OXNAD1: variants seen among roughly 807,000 people sequenced by gnomAD.
OXNAD1 encodes oxidoreductase NAD binding domain containing 1.
A neutral mutation model predicts 32.9 loss-of-function variants in OXNAD1; 34 were observed. The ratio of observed to expected loss-of-function variants is 1.03; its 90% CI spans 0.79 to 1.38. The LOEUF (loss-of-function observed/expected upper bound fraction) is 1.38. Ranked by LOEUF, OXNAD1 falls within the 40% of genes most tolerant of loss-of-function variation. The pLI, the probability that OXNAD1 is intolerant of heterozygous loss-of-function variation, is 0.00. For missense variants in OXNAD1, 407 were observed against 379.4 expected, an observed-to-expected ratio of 1.07 and a Z score of -0.60; for synonymous variants, 134 against 135.2, an observed-to-expected ratio of 0.99 and a Z score of 0.06.
intron 9 of OXNAD1, among the ~76,000 whole-genome samples, chr3:16,311,440 TAAGA>T (rs2067979296): frequency 6.6e-6 from 1 of 152,190 alleles, no homozygotes; most frequent in South Asian, 2.1e-4. Flanking sequence ...CTTTGGGTGT[TAAGA>T]AAGGTATAAA....
chr3:16,331,757 T>G (rs560137465), intron 9 of OXNAD1, among the ~76,000 whole-genome samples: 3 of 152,320 alleles, frequency 2.0e-5, no homozygotes, highest in South Asian at 4.1e-4. Context: ...GGCTGGTATG[T>G]TCTCTTTTTT....
At chr3:16,331,449 T>C (rs2070301330) in intron 9 of OXNAD1, among the ~76,000 whole-genome samples, 1 of 152,230 alleles carries the variant, frequency 6.6e-6, no homozygotes, top group African/African-American at 2.4e-5. Context: ...TTTGCAAATA[T>C]TGCTCAATGC....
rs777329466 is a variant in OXNAD1 at position 16,271,673 on chromosome 3, A to G, written c.134A>G (p.Lys45Arg). The change falls in exon 4 of 9, where the codon AAA becomes AGA. Residue 45 changes from lysine to arginine, a missense_variant. Lys to Arg is a conservative substitution (Grantham distance 26). Coordinates refer to ENST00000285083, the MANE Select transcript of OXNAD1 (RefSeq NM_138381.5). The surrounding 1 kb of genome is among the most constrained non-coding windows in gnomAD (Gnocchi z 4.6). The part of the protein sequence containing the change: ...HLTLTSIMKS[K>R]RKTDHMERTA... ...TTCTATTAAAGCATAATGAAATCCA[A>G]AAGGAAAACTGATCACATGGAGAGA... 39 of 1,604,510 alleles carry G rather than the reference A, an allele frequency of 2.4e-5. 1 individual carries two copies. The highest frequency in any genetic ancestry group is 3.3e-5 in the Non-Finnish European group (39 of 1,177,600).
intron 4 of OXNAD1, chr3:16,272,189 G>A (rs2064990600): frequency 2.2e-6 from 1 of 452,490 alleles, no homozygotes; most frequent in African/African-American, 2.0e-5. Flanking sequence ...ATCTGAGAAA[G>A]GAAAGTGGAC....
At chr3:16,275,101 C>T (rs2065222759) in intron 4 of OXNAD1, 2 of 166,900 alleles carry the variant, frequency 1.2e-5, no homozygotes, top group Admixed American at 1.2e-4. Context: ...TTTTTATCAT[C>T]TGACATTTTC....
rs2125195840 is a variant in OXNAD1 at position 16,322,440 on chromosome 3, C to T, written c.*31-14672C>T. On this transcript the variant is annotated intron_variant, in intron 9 of 9. Coordinates refer to the OXNAD1 transcript ENST00000435829. The surrounding 1 kb of genome is among the most constrained non-coding windows in gnomAD (Gnocchi z 6.2). Reference sequence around the variant, plus strand: ...CATGAGGAACCAAGCGTGAGGAATGCAGGAGTGATGCCAGGAGTGAGGAGC... The same window carrying T: ...CATGAGGAACCAAGCGTGAGGAATGTAGGAGTGATGCCAGGAGTGAGGAGC... 6.6e-6 allele frequency among the ~76,000 whole-genome samples: 1 copy of T among 152,318 alleles called. No individual in the cohort carries two copies. The highest frequency in any genetic ancestry group is 1.9e-4 in the East Asian group (1 of 5,168).
rs2065449490 is a variant in OXNAD1 at position 16,277,694 on chromosome 3, AC to A, written c.183+5973del. ...TCTTGGAGTCGACAGGAAATGGAATACTCACCCAGAAATGTTCTTTTGGTTT... is the reference window on the plus strand; with the variant it reads ...TCTTGGAGTCGACAGGAAATGGAATATCACCCAGAAATGTTCTTTTGGTTT... On this transcript the variant is annotated intron_variant, in intron 4 of 8. Coordinates refer to ENST00000285083, the MANE Select transcript of OXNAD1 (RefSeq NM_138381.5). The surrounding 1 kb of genome is among the most constrained non-coding windows in gnomAD (Gnocchi z 4.3). Among the ~76,000 whole-genome samples, 1 of 152,090 alleles carries A rather than the reference AC, an allele frequency of 6.6e-6. No individual in the cohort carries two copies. Among genetic ancestry groups the A allele is most frequent in the African/African-American group, 2.4e-5 (1 of 41,404 alleles).
rs200513735 is a variant in OXNAD1, at chr3:16,345,784, ATC to A, written c.*31-3388_*31-3387del. Among the ~76,000 whole-genome samples the A allele has an allele frequency of 3.2e-3, 341 of 107,928 alleles. 3 individuals carry two copies. The highest frequency in any genetic ancestry group is 5.6e-3 in the South Asian group (18 of 3,214). The allele number at this position is 107,928 out of a possible 152,430, so 70.8% of individuals were successfully genotyped here. A position where few individuals can be genotyped will look rare whatever the true frequency, so the allele number is the denominator to read the frequency against. On this transcript the variant is annotated intron_variant, in intron 9 of 9. Coordinates refer to the OXNAD1 transcript ENST00000606098. The surrounding 1 kb of genome is among the most constrained non-coding windows in gnomAD (Gnocchi z 5.2). Reference sequence around the variant, plus strand: ...CACATGAGCCAAAACCTTATAATAAATCTCTGTGTGTGTGTGTGTGTGTGTGT... The same window carrying A: ...CACATGAGCCAAAACCTTATAATAAATCTGTGTGTGTGTGTGTGTGTGTGT...
chr3:16,331,959 A>T (rs2070359708), intron 9 of OXNAD1, among the ~76,000 whole-genome samples: 1 of 152,250 alleles, frequency 6.6e-6, no homozygotes, highest in African/African-American at 2.4e-5. Context: ...TCTAGATGTC[A>T]GCAATGCTAT....
chr3:16,278,032 G>T (rs2065469262), intron 4 of OXNAD1, among the ~76,000 whole-genome samples: 1 of 152,212 alleles, frequency 6.6e-6, no homozygotes, highest in Non-Finnish European at 1.5e-5. Context: ...TCTACAGACT[G>T]TTGGCCTACT....
rs1024044773 is a variant in OXNAD1 at position 16,322,025 on chromosome 3, T to A, written c.*31-15087T>A. 6.6e-6 allele frequency among the ~76,000 whole-genome samples: 1 copy of A among 152,090 alleles called. No homozygotes were observed. The highest frequency in any genetic ancestry group is 2.4e-5 in the African/African-American group (1 of 41,424). Reference sequence around the variant, plus strand: ...TCTCCCTCTGTAAGGCTGCAGCGGGTGTCTGTCAGCATCTGACAGGGGCCC... The same window carrying A: ...TCTCCCTCTGTAAGGCTGCAGCGGGAGTCTGTCAGCATCTGACAGGGGCCC... On this transcript the variant is annotated intron_variant, in intron 9 of 9. Coordinates refer to the OXNAD1 transcript ENST00000435829. The surrounding 1 kb of genome is among the most constrained non-coding windows in gnomAD (Gnocchi z 6.2).
At chr3:16,268,735 T>C (rs546331407) in intron 1 of OXNAD1, among the ~76,000 whole-genome samples, 5 of 152,202 alleles carry the variant, frequency 3.3e-5, no homozygotes, top group Admixed American at 6.5e-5. Context: ...GGACAACTTA[T>C]TTTAGCAATA....
rs2070666834 is a variant in OXNAD1 at position 16,334,560 on chromosome 3, G to A, written c.*31-2552G>A. Reference sequence around the variant, plus strand: ...TGTTTCACCCAGACAACAGCTCAGAGAACTGGGCAATGGCTGCTCATGTGT... The same window carrying A: ...TGTTTCACCCAGACAACAGCTCAGAAAACTGGGCAATGGCTGCTCATGTGT... On this transcript the variant is annotated intron_variant, in intron 9 of 9. Transcript: ENST00000435829. The surrounding 1 kb of genome is among the most constrained non-coding windows in gnomAD (Gnocchi z 4.3). Among the ~76,000 whole-genome samples the A allele has an allele frequency of 6.6e-6, 1 of 152,200 alleles. No homozygotes were observed. Among genetic ancestry groups the A allele is most frequent in the Non-Finnish European group, 1.5e-5 (1 of 68,030 alleles).
In OXNAD1 at chr3:16,342,759, G is replaced by A. The variant is rs1227610988; in HGVS notation, c.*31-6417G>A. 6.6e-6 allele frequency among the ~76,000 whole-genome samples: 1 copy of A among 152,236 alleles called. No homozygotes were observed. The highest frequency in any genetic ancestry group is 1.9e-4 in the East Asian group (1 of 5,200). On this transcript the variant is annotated intron_variant, in intron 9 of 9. Coordinates refer to the OXNAD1 transcript ENST00000606098. This position sits in a 1 kb window ranked among gnomAD's most constrained non-coding sequence, Gnocchi z 4.0. The stretch of plus-strand genomic sequence containing the variant: ...GTTTAAAGAGGCCACTGATTTAAAA[G>A]CTCTGTGTCAACATGCATGCCCAGC...
chr3:16,331,426 G>A lies in OXNAD1; in HGVS notation c.*31-5686G>A, dbSNP rs189100366. ...TAAAGTAAATCAAAAGTCAATGTTT[G>A]TGTTATCACAGTTTTGCAAATATTG... is the stretch of plus-strand genomic sequence containing the variant. On this transcript the variant is annotated intron_variant, in intron 9 of 9. Transcript: ENST00000435829. Among the ~76,000 whole-genome samples the A allele has an allele frequency of 4.3e-3, 654 of 152,230 alleles. 4 individuals are homozygous for A. Among genetic ancestry groups the A allele is most frequent in the African/African-American group, 0.015 (615 of 41,536 alleles).
rs200117908 is a variant in OXNAD1 at position 16,272,850 on chromosome 3, G to GA, written c.183+1138dup. 4.4e-3 allele frequency among the ~76,000 whole-genome samples: 647 copies of GA among 147,122 alleles called. 2 individuals carry two copies. Among genetic ancestry groups the GA allele is most frequent in the Non-Finnish European group, 5.6e-3 (372 of 66,554 alleles). On this transcript the variant is annotated intron_variant, in intron 4 of 8. Coordinates refer to ENST00000285083, the MANE Select transcript of OXNAD1 (RefSeq NM_138381.5). ...ATAAAATGAAGGCCTTGCAAATTAT[G>GA]AAAAAAAAAAGTGATTTATCTTACA... is the stretch of plus-strand genomic sequence containing the variant.
At chr3:16,275,812 T>C (rs899884218) in intron 4 of OXNAD1, 6 of 159,082 alleles carry the variant, frequency 3.8e-5, no homozygotes, top group Admixed American at 1.3e-4. Flanking sequence ...GGAATATTTG[T>C]AAAATTTGGA....
At chr3:16,273,310 C>T (rs150210110) in intron 4 of OXNAD1, among the ~76,000 whole-genome samples, 1,869 of 151,060 alleles carry the variant, frequency 0.012, 19 homozygotes, top group Non-Finnish European at 0.02. Context: ...ACAGAATTCT[C>T]AAAACTATGC....
rs527822514 is a variant in OXNAD1, at chr3:16,272,493, A to G, written c.183+771A>G. On this transcript the variant is annotated intron_variant, in intron 4 of 8. Coordinates refer to ENST00000285083, the MANE Select transcript of OXNAD1 (RefSeq NM_138381.5). ...ATTATATACTTCTACAAACATGGGC[A>G]GAAATTATATTGTCTCATTTAAATT... Among the ~76,000 whole-genome samples, 15 of 152,330 alleles carry G rather than the reference A, an allele frequency of 9.8e-5. No homozygotes were observed. In the South Asian group the frequency reaches 2.9e-3, roughly 29 times the overall value.
Sources: allele counts gnomAD v4.1 joint callset (sites outside exome capture counted in the v4.1 genomes callset), GRCh38; gene constraint gnomAD v4.1.1; non-coding constraint Gnocchi (gnomAD v3.1); transcripts MANE v1.5; gene names NCBI Gene and HGNC (gene_info 2026-07-23, HGNC 2026-07-21).